ST7: variants seen among roughly 807,000 people sequenced by gnomAD.
The protein encoded by ST7 is suppressor of tumorigenicity 7 protein.
A neutral mutation model predicts 78.7 loss-of-function variants in ST7; 28 were observed. The observed-to-expected ratio is 0.36, with a 90% CI of 0.26 to 0.49. ST7 has a LOEUF of 0.49. Ranked by LOEUF, ST7 falls within the 20% of genes least tolerant of loss-of-function variation. The pLI, the probability that ST7 is intolerant of heterozygous loss-of-function variation, is 0.99. For synonymous variants in ST7, 247 were observed against 249.6 expected (o/e 0.99, Z 0.10); for missense variants, 418 against 696.0 (o/e 0.60, Z 4.49).
At chr7:117,119,108 C>T (rs775278720) in intron 2 of ST7, among the ~76,000 whole-genome samples, 1 of 152,146 alleles carries the variant, frequency 6.6e-6, no homozygotes, top group Non-Finnish European at 1.5e-5. Flanking sequence ...CTTCCTGCCC[C>T]GCCCCTACCC....
intron 1 of ST7, among the ~76,000 whole-genome samples, chr7:117,079,719 GT>G (rs1287541182): frequency 1.3e-5 from 2 of 152,042 alleles, no homozygotes; most frequent in Non-Finnish European, 2.9e-5. Context: ...AAACAAGTGT[GT>G]TTAAAAATAT....
chr7:117,119,323 T>C (rs1803172005), intron 2 of ST7, among the ~76,000 whole-genome samples: 1 of 152,224 alleles, frequency 6.6e-6, no homozygotes, highest in Non-Finnish European at 1.5e-5. Context: ...CTTAACAGTG[T>C]TCTTTTATCC....
At chr7:117,128,911 T>C (rs1804100029) in intron 3 of ST7, among the ~76,000 whole-genome samples, 1 of 151,964 alleles carries the variant, frequency 6.6e-6, no homozygotes, top group African/African-American at 2.4e-5. Flanking sequence ...CATAGATGTT[T>C]TGAATACTAT....
chr7:117,062,277 C>A (rs573485373), intron 1 of ST7, among the ~76,000 whole-genome samples: 1 of 152,150 alleles, frequency 6.6e-6, no homozygotes, highest in Non-Finnish European at 1.5e-5. Context: ...ACATTAGGGG[C>A]TACAGCTTCA....
At chr7:117,057,550 G>A (rs148746384) in intron 1 of ST7, among the ~76,000 whole-genome samples, 1 of 152,232 alleles carries the variant, frequency 6.6e-6, no homozygotes, top group Non-Finnish European at 1.5e-5. Context: ...TGAGTTATGT[G>A]CTAACGTGTT....
chr7:117,166,194 T>C (rs1807542474), intron 9 of ST7, among the ~76,000 whole-genome samples: 1 of 152,194 alleles, frequency 6.6e-6, no homozygotes, highest in Non-Finnish European at 1.5e-5. Flanking sequence ...ATTTAGCATA[T>C]TGGTATAATT....
intron 1 of ST7, among the ~76,000 whole-genome samples, chr7:116,987,136 AG>A (rs972313489): frequency 1.3e-5 from 2 of 152,228 alleles, no homozygotes; most frequent in African/African-American, 4.8e-5. Flanking sequence ...TGGCAGACAA[AG>A]TAAGAAGATG....
intron 1 of ST7, among the ~76,000 whole-genome samples, chr7:116,979,868 C>T (rs73472900): frequency 0.031 from 4,774 of 151,988 alleles, 233 homozygotes; most frequent in African/African-American, 0.11. Flanking sequence ...TTTCTTCATA[C>T]ACCATGCTCC....
chr7:117,091,056 G>A (rs1800571630), intron 1 of ST7, among the ~76,000 whole-genome samples: 1 of 152,234 alleles, frequency 6.6e-6, no homozygotes, highest in Non-Finnish European at 1.5e-5. Context: ...AGCAGAAACA[G>A]TGTACCTGTA....
intron 1 of ST7, among the ~76,000 whole-genome samples, chr7:117,093,181 A>G (rs961899710): frequency 3.3e-5 from 5 of 152,220 alleles, no homozygotes; most frequent in African/African-American, 9.6e-5. Context: ...GAATCCAGAT[A>G]AAAGGACCCT....
chr7:117,150,509 G>C (rs1806161254), intron 9 of ST7, among the ~76,000 whole-genome samples: 1 of 152,120 alleles, frequency 6.6e-6, no homozygotes, highest in South Asian at 2.1e-4. Context: ...CTTTCCTGCT[G>C]TCTGGGTCTC....
At chr7:117,113,835 G>T (rs1802630969) in intron 2 of ST7, among the ~76,000 whole-genome samples, 1 of 151,914 alleles carries the variant, frequency 6.6e-6, no homozygotes, top group Non-Finnish European at 1.5e-5. Flanking sequence ...AGGACAGCTG[G>T]CAGGGCTTGG....
intron 1 of ST7, among the ~76,000 whole-genome samples, chr7:116,975,281 C>A (rs1407603198): frequency 6.6e-6 from 1 of 152,126 alleles, no homozygotes; most frequent in African/African-American, 2.4e-5. Context: ...AAAAACCCAC[C>A]CCCATGATTC....
intron 9 of ST7, among the ~76,000 whole-genome samples, chr7:117,149,592 CTTTTTTTTTTTT>C (rs59067333): frequency 3.6e-5 from 3 of 83,958 alleles, no homozygotes; most frequent in African/African-American, 9.6e-5. Flanking sequence ...CGTGTCCTAC[CTTTTTTTTTTTT>C]TTTTTTTTTT....
chr7:116,995,558 A>G (rs577040048), intron 1 of ST7, among the ~76,000 whole-genome samples: 3 of 152,212 alleles, frequency 2.0e-5, no homozygotes, highest in Non-Finnish European at 4.4e-5. Flanking sequence ...AGTGAGAAGG[A>G]AGCTGTTTTA....
chr7:117,199,097 G>C (rs1405117317), intron 12 of ST7: 1 of 152,132 alleles, frequency 6.6e-6, no homozygotes, highest in East Asian at 1.9e-4. Context: ...TTGGAGCTGG[G>C]CTGTTGGAGT....
intron 8 of ST7, among the ~76,000 whole-genome samples, chr7:117,137,868 A>G (rs187313340): frequency 2.6e-4 from 39 of 152,248 alleles, no homozygotes; most frequent in African/African-American, 8.7e-4. Flanking sequence ...TAGCTTGTCA[A>G]TTCTTTCTCT....
chr7:117,141,920 T>C (rs1805342950), intron 9 of ST7, among the ~76,000 whole-genome samples: 1 of 151,886 alleles, frequency 6.6e-6, no homozygotes, highest in South Asian at 2.1e-4. Flanking sequence ...TCCACCCACT[T>C]CGGCCTCCCA....
At chr7:117,150,682 A>G (rs779533914) in intron 9 of ST7, among the ~76,000 whole-genome samples, 1 of 152,078 alleles carries the variant, frequency 6.6e-6, no homozygotes, top group African/African-American at 2.4e-5. Context: ...TTGGCCATCA[A>G]TTCTAAATAC....
Sources: allele counts gnomAD v4.1 joint callset (sites outside exome capture counted in the v4.1 genomes callset), GRCh38; gene constraint gnomAD v4.1.1; transcripts MANE v1.5; gene names NCBI Gene and HGNC (gene_info 2026-07-23, HGNC 2026-07-21).